GPD2: variants seen among roughly 807,000 people sequenced by gnomAD.
The protein encoded by GPD2 is glycerol-3-phosphate dehydrogenase 2, also known as glycerol-3-phosphate dehydrogenase, mitochondrial.
A neutral mutation model predicts 82.4 loss-of-function variants in GPD2; 54 were observed. That is an observed-to-expected ratio of 0.66 (90% CI 0.53 to 0.82). The LOEUF is 0.82. Ranked by LOEUF, GPD2 falls within the 40% of genes least tolerant of loss-of-function variation. GPD2 has a pLI of 0.00. For synonymous variants in GPD2, 288 were observed against 306.1 expected, an observed-to-expected ratio of 0.94 and a Z score of 0.62; for missense variants, 748 against 896.2, an observed-to-expected ratio of 0.83 and a Z score of 2.11.
rs189268552 is a variant in GPD2 at position 156,509,200 on chromosome 2, T to C, written c.275-1596T>C. Among the ~76,000 whole-genome samples, 61 of 152,310 alleles carry C rather than the reference T, an allele frequency of 4.0e-4. 1 individual carries two copies. The highest frequency in any genetic ancestry group is 4.0e-3 in the Admixed American group (61 of 15,298). The stretch of plus-strand genomic sequence containing the variant: ...GTAACTTTTGTGTTATTTTTCTAGG[T>C]AGTTAAGGCATTAACAGTTTTTGCC... On this transcript the variant is annotated intron_variant, in intron 3 of 16. Coordinates refer to ENST00000438166, the MANE Select transcript of GPD2 (RefSeq NM_000408.5).
chr2:156,432,514 C>G (rs1461874287), upstream of GPD2, among the ~76,000 whole-genome samples: 1 of 152,154 alleles, frequency 6.6e-6, no homozygotes, highest in African/African-American at 2.4e-5. Flanking sequence ...ACTTGGTTTT[C>G]CGTTCCTACA....
chr2:156,534,708 T>A (rs1389967819), intron 6 of GPD2, among the ~76,000 whole-genome samples: 3 of 152,160 alleles, frequency 2.0e-5, no homozygotes, highest in Non-Finnish European at 4.4e-5. Context: ...TGACTAGCAT[T>A]TACATTTATT....
intron 1 of GPD2, among the ~76,000 whole-genome samples, chr2:156,463,309 A>G (rs1459962630): frequency 6.6e-6 from 1 of 152,174 alleles, no homozygotes; most frequent in Non-Finnish European, 1.5e-5. Flanking sequence ...TACTCCACTC[A>G]GATGTAAACT....
intron 1 of GPD2, among the ~76,000 whole-genome samples, chr2:156,452,420 G>A (rs936633612): frequency 1.3e-5 from 2 of 152,250 alleles, no homozygotes; most frequent in Non-Finnish European, 2.9e-5. Context: ...CAGGCGCGGC[G>A]GCGCGCACCT....
At chr2:156,514,745 C>T (rs1480225547) in intron 6 of GPD2, among the ~76,000 whole-genome samples, 2 of 152,180 alleles carry the variant, frequency 1.3e-5, no homozygotes, top group Non-Finnish European at 2.9e-5. Flanking sequence ...TCACAGTTTA[C>T]AGTGCTTCCG....
intron 5 of GPD2, 71 bp from the exon 6 acceptor site, chr2:156,513,262 G>A: frequency 1.9e-6 from 2 of 1,058,448 alleles, no homozygotes; most frequent in South Asian, 1.3e-5. Context: ...AAAGTGTCTT[G>A]TAGTGTAAGG....
the GPD2 span, among the ~76,000 whole-genome samples, chr2:156,406,058 T>TC: frequency 6.6e-6 from 1 of 151,938 alleles, no homozygotes; most frequent in Non-Finnish European, 1.5e-5. Context: ...TTTTTTTTTT[T>TC]CACCTGTGAG....
intron 1 of GPD2, among the ~76,000 whole-genome samples, chr2:156,454,493 G>GAAA (rs66530643): frequency 1.3e-4 from 20 of 148,624 alleles, no homozygotes; most frequent in South Asian, 2.1e-4. Context: ...CTATCTCTAT[G>GAAA]AAAAAAAAAA....
At chr2:156,580,070 A>G (rs1257618388) in intron 16 of GPD2, among the ~76,000 whole-genome samples, 1 of 152,204 alleles carries the variant, frequency 6.6e-6, no homozygotes, top group Non-Finnish European at 1.5e-5. Context: ...AATATGAAGC[A>G]TGCTTTTTAA....
intron 16 of GPD2, among the ~76,000 whole-genome samples, chr2:156,581,847 A>C (rs115678300): frequency 0.025 from 3,862 of 152,148 alleles, 73 homozygotes; most frequent in Non-Finnish European, 0.043. Flanking sequence ...ACTCTTATTC[A>C]GAGCTCTTTT....
Position 156,557,444 on chromosome 2 carries a change from T to C in GPD2, c.1027T>C (p.Phe343Leu). Reference sequence around the variant, plus strand: ...GACCAGTGATGGGCGAGTTATTTTCTTCTTACCCTGGCAAAAGATGACGAT... The same window carrying C: ...GACCAGTGATGGGCGAGTTATTTTCCTCTTACCCTGGCAAAAGATGACGAT... Reference protein sequence around the residue: ...PATSDGRVIFFLPWQKMTIAG... With the variant: ...PATSDGRVIFLLPWQKMTIAG... The change falls in exon 9 of 17, where the codon TTC becomes CTC. Residue 343 changes from phenylalanine to leucine, a missense_variant. This residue lies in a region of GPD2 where 692 missense variants were observed against 809.7 expected (regional missense o/e 0.85). Coordinates refer to ENST00000438166, the MANE Select transcript of GPD2 (RefSeq NM_000408.5). The C allele has an allele frequency of 1.2e-6, 2 of 1,611,286 alleles. No homozygotes were observed. Among genetic ancestry groups the C allele is most frequent in the Non-Finnish European group, 1.7e-6 (2 of 1,177,440 alleles).
rs539557330 is a variant in GPD2 at position 156,473,913 on chromosome 2, A to G, written c.-8-2185A>G. On this transcript the variant is annotated intron_variant, in intron 1 of 16. Transcript: ENST00000438166. ...ATGAATGGTGGCCCCTAGCCAGCAT[A>G]CACCAACTTTCCTGCATAATTTGGG... Among the ~76,000 whole-genome samples, 267 of 151,816 alleles carry G rather than the reference A, an allele frequency of 1.8e-3. 1 individual carries two copies. Among genetic ancestry groups the G allele is most frequent in the African/African-American group, 6.1e-3 (252 of 41,408 alleles).
intron 13 of GPD2, 75 bp downstream of exon 13, chr2:156,571,367 G>C: frequency 1.1e-6 from 1 of 935,752 alleles, no homozygotes; most frequent in Non-Finnish European, 1.6e-6. Context: ...GTAGAAGCTA[G>C]CGTAGTTTTT....
chr2:156,569,826 C>T (rs1687545774), intron 11 of GPD2, among the ~76,000 whole-genome samples: 1 of 152,104 alleles, frequency 6.6e-6, no homozygotes, highest in Admixed American at 6.6e-5. Flanking sequence ...GGCTGTTCTT[C>T]AGAAGTGGTA....
At chr2:156,402,782 T>C in the GPD2 span, among the ~76,000 whole-genome samples, 2 of 152,120 alleles carry the variant, frequency 1.3e-5, no homozygotes, top group African/African-American at 4.8e-5. Context: ...TCCCAAAGTG[T>C]TGGGATTACA....
At chr2:156,508,728 A>G (rs1291395249) in intron 3 of GPD2, among the ~76,000 whole-genome samples, 1 of 152,224 alleles carries the variant, frequency 6.6e-6, no homozygotes, top group Non-Finnish European at 1.5e-5. Context: ...TCAGCTGAAG[A>G]AAAAATGGTC....
intron 12 of GPD2, among the ~76,000 whole-genome samples, chr2:156,570,669 A>C (rs1442748192): frequency 6.6e-6 from 1 of 152,162 alleles, no homozygotes; most frequent in African/African-American, 2.4e-5. Context: ...ATCGATGTCC[A>C]GTGAACATTT....
rs1239486644 is a variant in GPD2, at chr2:156,586,364, C to T, written c.*3446C>T. The T allele has an allele frequency of 3.3e-5, 5 of 152,142 alleles. No homozygotes were observed. Among genetic ancestry groups the T allele is most frequent in the Non-Finnish European group, 5.9e-5 (4 of 67,944 alleles). The allele number at this position is 152,142 out of a possible 1,614,324, so 9.4% of individuals were successfully genotyped here. ...TTAGGGCATGACTTCTGTATTTGTG[C>T]AATCCTATTCTACAATTACATTCAT... On this transcript the variant is annotated 3_prime_UTR_variant, in exon 17 of 17. Coordinates refer to ENST00000438166, the MANE Select transcript of GPD2 (RefSeq NM_000408.5).
the GPD2 span, among the ~76,000 whole-genome samples, chr2:156,400,326 G>T: frequency 2.0e-5 from 3 of 152,258 alleles, no homozygotes; most frequent in African/African-American, 4.8e-5. Flanking sequence ...CGGCCCGAGC[G>T]CTGGGCCCGG....
Sources: allele counts gnomAD v4.1 joint callset (sites outside exome capture counted in the v4.1 genomes callset), GRCh38; gene constraint gnomAD v4.1.1; regional missense constraint gnomAD v4.1.1; transcripts MANE v1.5; gene names NCBI Gene and HGNC (gene_info 2026-07-23, HGNC 2026-07-21).